Variants in TNFSF4 observed in about 807,000 individuals in gnomAD.
The protein encoded by TNFSF4 is TNF superfamily member 4.
A neutral mutation model predicts 7.3 loss-of-function variants in TNFSF4; 4 were observed. The observed-to-expected ratio is 0.55, with a 90% CI of 0.27 to 1.25. The LOEUF is 1.25. Ranked by LOEUF, TNFSF4 falls within the 50% of genes most tolerant of loss-of-function variation. The pLI is 0.12. For synonymous variants in TNFSF4, 76 were observed against 83.7 expected (o/e 0.91, Z 0.50); for missense variants, 181 against 208.8 (o/e 0.87, Z 0.82).
chr1:173,211,315 T>A (rs193152157), upstream of TNFSF4, among the ~76,000 whole-genome samples: 38 of 152,316 alleles, frequency 2.5e-4, 1 homozygote, highest in East Asian at 5.6e-3. Context: ...CTATTCCTGA[T>A]CCTAATGTCA....
the TNFSF4 span, among the ~76,000 whole-genome samples, chr1:173,446,704 A>G: frequency 6.6e-6 from 1 of 152,198 alleles, no homozygotes; most frequent in East Asian, 1.9e-4. Context: ...TCTGGCCTTC[A>G]TCTTTCTCCC....
chr1:173,395,921 A>AC, the TNFSF4 span, among the ~76,000 whole-genome samples: 3 of 151,808 alleles, frequency 2.0e-5, no homozygotes, highest in African/African-American at 4.8e-5. Flanking sequence ...GCACTTACCC[A>AC]CCCCCAGTGG....
the TNFSF4 span, among the ~76,000 whole-genome samples, chr1:173,224,072 G>C: frequency 6.6e-6 from 1 of 152,168 alleles, no homozygotes; most frequent in South Asian, 2.1e-4. Flanking sequence ...AGACTAGAGA[G>C]TAAAAGGCCC....
At chr1:173,389,649 G>C in the TNFSF4 span, among the ~76,000 whole-genome samples, 1 of 152,124 alleles carries the variant, frequency 6.6e-6, no homozygotes. Context: ...AACCCAAAAA[G>C]ATGTATTCAT....
the TNFSF4 span, among the ~76,000 whole-genome samples, chr1:173,441,143 C>T: frequency 2.0e-5 from 3 of 152,190 alleles, no homozygotes; most frequent in Non-Finnish European, 4.4e-5. Context: ...CCACACTCAC[C>T]CCAAAGCCCA....
chr1:173,227,169 C>T, the TNFSF4 span, among the ~76,000 whole-genome samples: 1 of 151,060 alleles, frequency 6.6e-6, no homozygotes, highest in Non-Finnish European at 1.5e-5. Context: ...ATATTTTTAC[C>T]CTTCTCTCAA....
the TNFSF4 span, among the ~76,000 whole-genome samples, chr1:173,340,323 T>TACACAC: frequency 8.1e-4 from 110 of 135,862 alleles, no homozygotes; most frequent in African/African-American, 2.7e-3. Context: ...CTAATCTGTT[T>TACACAC]ACACACACAC....
the TNFSF4 span, among the ~76,000 whole-genome samples, chr1:173,364,979 G>T: frequency 3.3e-5 from 5 of 152,074 alleles, no homozygotes; most frequent in East Asian, 9.6e-4. Flanking sequence ...AGCAGCTCAT[G>T]CCTCTAAGCC....
At chr1:173,414,660 G>A in the TNFSF4 span, among the ~76,000 whole-genome samples, 4 of 152,226 alleles carry the variant, frequency 2.6e-5, no homozygotes, top group African/African-American at 9.6e-5. Context: ...ATAGAGCAGT[G>A]AGAAATGAAT....
At chr1:173,422,270 A>G in the TNFSF4 span, among the ~76,000 whole-genome samples, 1 of 150,640 alleles carries the variant, frequency 6.6e-6, no homozygotes, top group Admixed American at 6.6e-5. Flanking sequence ...TGCATTAATA[A>G]CTAACAAGCC....
the TNFSF4 span, among the ~76,000 whole-genome samples, chr1:173,301,831 A>T: frequency 7.2e-6 from 1 of 139,116 alleles, no homozygotes; most frequent in South Asian, 2.3e-4. Flanking sequence ...CACCCTACAG[A>T]ACATACATTC....
At chr1:173,413,065 G>A in the TNFSF4 span, among the ~76,000 whole-genome samples, 1 of 152,204 alleles carries the variant, frequency 6.6e-6, no homozygotes, top group Admixed American at 6.5e-5. Context: ...AATGGACAGA[G>A]GAGGGAATCT....
At chr1:173,392,357 A>T in the TNFSF4 span, among the ~76,000 whole-genome samples, 3 of 152,244 alleles carry the variant, frequency 2.0e-5, no homozygotes, top group Non-Finnish European at 4.4e-5. Flanking sequence ...AGTTTGAAGA[A>T]AGAAACCCAG....
the TNFSF4 span, among the ~76,000 whole-genome samples, chr1:173,242,684 A>C: frequency 2.0e-5 from 3 of 152,040 alleles, no homozygotes; most frequent in Non-Finnish European, 4.4e-5. Context: ...AGATGTGACA[A>C]TGGGCAAATA....
chr1:173,394,715 C>G, the TNFSF4 span, among the ~76,000 whole-genome samples: 1 of 152,084 alleles, frequency 6.6e-6, no homozygotes, highest in Non-Finnish European at 1.5e-5. Context: ...ACTATTATTT[C>G]CCCTGCTTCT....
At chr1:173,449,347 TTC>T in the TNFSF4 span, among the ~76,000 whole-genome samples, 1 of 149,732 alleles carries the variant, frequency 6.7e-6, no homozygotes, top group Non-Finnish European at 1.5e-5. Context: ...TCTTCTTTCT[TTC>T]TTTTTTTTTT....
the TNFSF4 span, among the ~76,000 whole-genome samples, chr1:173,174,847 G>A: frequency 8.0e-3 from 1,217 of 152,228 alleles, 14 homozygotes; most frequent in Middle Eastern, 0.024. Flanking sequence ...CACTTCTATA[G>A]AATTTTCAAT....
At chr1:173,317,612 G>A in the TNFSF4 span, among the ~76,000 whole-genome samples, 1 of 152,076 alleles carries the variant, frequency 6.6e-6, no homozygotes, top group Non-Finnish European at 1.5e-5. Flanking sequence ...GAAATAATTT[G>A]AACAAAACAT....
the TNFSF4 span, among the ~76,000 whole-genome samples, chr1:173,436,316 C>G: frequency 2.0e-4 from 30 of 152,312 alleles, no homozygotes; most frequent in East Asian, 1.7e-3. Flanking sequence ...CAGAGAAACT[C>G]TGGGAAATAA....
Sources: allele counts gnomAD v4.1 joint callset (sites outside exome capture counted in the v4.1 genomes callset), GRCh38; gene constraint gnomAD v4.1.1; transcripts MANE v1.5; gene names NCBI Gene and HGNC (gene_info 2026-07-23, HGNC 2026-07-21).